Variants in STMN4 observed in about 807,000 individuals in gnomAD.
STMN4 encodes stathmin 4.
STMN4 carries 12 observed loss-of-function variants against 29.1 expected under a neutral mutation model. That is an observed-to-expected ratio of 0.41 (90% CI 0.26 to 0.67). STMN4 has a LOEUF of 0.67. Ranked by LOEUF, STMN4 falls within the 30% of genes least tolerant of loss-of-function variation. STMN4 has a pLI of 0.30. For missense variants in STMN4, 181 were observed against 262.8 expected (o/e 0.69, Z 2.15); for synonymous variants, 114 against 105.3 (o/e 1.08, Z -0.51).
rs753013985 is a variant in STMN4, at chr8:27,239,865, C to T, written c.591+106G>A. 21 of 1,582,356 alleles carry T rather than the reference C, an allele frequency of 1.3e-5. No homozygotes were observed. In the African/African-American group the frequency reaches 2.8e-4, roughly 21 times the overall value. Reference sequence around the variant, plus strand: ...CCTAAGAAAAAGATCCTGATTTTTGCCTGAGGCTGCTTCCTCCCTGAGATG... The same window carrying T: ...CCTAAGAAAAAGATCCTGATTTTTGTCTGAGGCTGCTTCCTCCCTGAGATG... On this transcript the variant is annotated intron_variant, in intron 6 of 6. Coordinates refer to ENST00000350889, the MANE Select transcript of STMN4 (RefSeq NM_030795.4).
At chr8:27,243,949 G>A (rs1043904711) in intron 1 of STMN4, 148 bp from the exon 2 acceptor site, 7 of 679,298 alleles carry the variant, frequency 1.0e-5, no homozygotes, top group African/African-American at 8.9e-5. Context: ...CTCCCTGGGG[G>A]TCCCCTACCC....
At chr8:27,239,565 C>T (rs961714662) in intron 6 of STMN4, 20 of 841,270 alleles carry the variant, frequency 2.4e-5, no homozygotes, top group Admixed American at 3.1e-5. Context: ...TCATCATACC[C>T]GTGACTTAGA....
chr8:27,237,910 T>C (rs1801355727), intron 6 of STMN4, among the ~76,000 whole-genome samples: 1 of 152,238 alleles, frequency 6.6e-6, no homozygotes, highest in African/African-American at 2.4e-5. Context: ...TTTTCTACTA[T>C]GGTGCCTTAC....
chr8:27,239,287 T>C lies in STMN4; in HGVS notation c.591+684A>G, dbSNP rs1586003170. On this transcript the variant is annotated intron_variant, in intron 6 of 6. Coordinates refer to ENST00000350889, the MANE Select transcript of STMN4 (RefSeq NM_030795.4). The stretch of plus-strand genomic sequence containing the variant: ...CCGCGCAGCAGGCGGTTCCTGGAAA[T>C]AAAACACAGAGCTGGAGCTCTCCCA... The C allele has an allele frequency of 2.0e-6, 3 of 1,535,492 alleles. No homozygotes were observed. In the East Asian group the frequency reaches 7.3e-5, roughly 38 times the overall value.
chr8:27,240,102 T>A lies in STMN4; in HGVS notation c.460A>T (p.Ile154Phe). The change falls in exon 6 of 7, where the codon ATC (isoleucine) becomes TTC (phenylalanine). Residue 154 changes from isoleucine (I) to phenylalanine (F), a missense_variant. Physicochemically the swap from Ile to Phe is conservative, Grantham distance 21. Coordinates refer to ENST00000350889, the MANE Select transcript of STMN4 (RefSeq NM_030795.4). ...TTGTTTTCCTCAATGGCCTTTTGGATCACCTCTCTCTCATGTTCCCGTTTC... is the reference window on the plus strand; with the variant it reads ...TTGTTTTCCTCAATGGCCTTTTGGAACACCTCTCTCTCATGTTCCCGTTTC... The part of the protein sequence containing the change: ...AEKREHEREV[I>F]QKAIEENNNF... 6.2e-7 allele frequency: 1 copy of A among 1,614,222 alleles called. No homozygotes were observed. The highest frequency in any genetic ancestry group is 8.5e-7 in the Non-Finnish European group (1 of 1,180,044).
intron 1 of STMN4, among the ~76,000 whole-genome samples, chr8:27,257,230 G>A (rs534476557): frequency 3.9e-5 from 6 of 152,132 alleles, no homozygotes; most frequent in South Asian, 2.1e-4. Flanking sequence ...CCTAGCACCC[G>A]CCTGTGGGAG....
In STMN4 at chr8:27,236,873, C is replaced by T. The variant is rs1410068664; in HGVS notation, c.624G>A (p.Lys208=). 5 of 1,608,750 alleles carry T rather than the reference C, an allele frequency of 3.1e-6. No homozygotes were observed. Among genetic ancestry groups the T allele is most frequent in the East Asian group, 2.3e-5 (1 of 44,384 alleles). The part of the protein sequence containing the change: ...DKHAEEVRKN[K]ELKEEASR ...ACCTGGAGGCCTCTTCCTTCAGCTCCTTGTTTTTCCGCACCTCCTCGGCGT... is the reference window on the plus strand; with the variant it reads ...ACCTGGAGGCCTCTTCCTTCAGCTCTTTGTTTTTCCGCACCTCCTCGGCGT... The change falls in exon 7 of 7, where the codon AAG becomes AAA. Residue 208 remains lysine, a synonymous_variant. Coordinates refer to ENST00000350889, the MANE Select transcript of STMN4 (RefSeq NM_030795.4).
chr8:27,242,601 A>G, intron 2 of STMN4, 109 bp from the exon 3 acceptor site: 1 of 1,048,186 alleles, frequency 9.5e-7, no homozygotes, highest in Non-Finnish European at 1.4e-6. Context: ...AAGGCACTCA[A>G]ACCACGCAGG....
chr8:27,248,365 G>T (rs987290655), intron 1 of STMN4, among the ~76,000 whole-genome samples: 2 of 152,178 alleles, frequency 1.3e-5, no homozygotes, highest in African/African-American at 4.8e-5. Flanking sequence ...CTATCACCTT[G>T]CAATGACTGT....
intron 2 of STMN4, 64 bp from the exon 3 acceptor site, chr8:27,242,556 C>T: frequency 1.3e-6 from 2 of 1,545,176 alleles, no homozygotes; most frequent in Non-Finnish European, 1.8e-6. Flanking sequence ...AGCGTCCTCA[C>T]GGGTCTGGGG....
chr8:27,246,729 G>T (rs1012232196), intron 1 of STMN4, among the ~76,000 whole-genome samples: 1 of 152,170 alleles, frequency 6.6e-6, no homozygotes, highest in Non-Finnish European at 1.5e-5. Flanking sequence ...AGGAACCTTT[G>T]GGGCCGCCAG....
intron 6 of STMN4, 143 bp downstream of exon 6, chr8:27,239,828 C>T (rs1339233921): frequency 6.5e-7 from 1 of 1,549,408 alleles, no homozygotes; most frequent in East Asian, 2.4e-5. Context: ...TCGGAACTCT[C>T]TAAAGATCCT....
chr8:27,246,392 C>T (rs951139833), intron 1 of STMN4, among the ~76,000 whole-genome samples: 6 of 152,162 alleles, frequency 3.9e-5, no homozygotes, highest in African/African-American at 7.2e-5. Context: ...CTTTAATTTT[C>T]GTAATAGCCT....
chr8:27,250,489 G>A (rs1174827369), intron 1 of STMN4, among the ~76,000 whole-genome samples: 2 of 152,182 alleles, frequency 1.3e-5, no homozygotes, highest in African/African-American at 2.4e-5. Flanking sequence ...AGCCTTTGGA[G>A]GCTCTGCAGA....
rs1456486967 is a variant in STMN4 at position 27,240,136 on chromosome 8, G to C, written c.426C>G (p.His142Gln). The change falls in exon 6 of 7, where the codon CAC becomes CAG. Residue 142 changes from histidine to glutamine, a missense_variant. By Grantham distance (24) the His-to-Gln change is conservative. Transcript: ENST00000350889. Reference sequence around the variant, plus strand: ...TCTCATGTTCCCGTTTCTCTGCTAGGTGTTTCAGGAGCTCCGCTTCCTGGT... The same window carrying C: ...TCTCATGTTCCCGTTTCTCTGCTAGCTGTTTCAGGAGCTCCGCTTCCTGGT... ...RKYQEAELLKHLAEKREHERE... is the reference protein window; with the variant it reads ...RKYQEAELLKQLAEKREHERE... The C allele has an allele frequency of 1.2e-6, 2 of 1,613,872 alleles. No individual in the cohort carries two copies. The highest frequency in any genetic ancestry group is 1.7e-6 in the Non-Finnish European group (2 of 1,179,980).
intron 6 of STMN4, among the ~76,000 whole-genome samples, chr8:27,238,812 CTTG>C (rs368904623): frequency 1.7e-3 from 259 of 152,326 alleles, no homozygotes; most frequent in African/African-American, 5.3e-3. Context: ...GCCTCAGGGA[CTTG>C]TTGTGAGGAT....
At position 27,241,728 on chromosome 8, in the gene STMN4, C is replaced by T; in HGVS notation, c.139G>A (p.Asp47Asn). ...GCACTGTCTTTCCGCTGGCTTTCAT[C>T]CTTCCTCCTACACTGTCTCCCACAC... is the stretch of plus-strand genomic sequence containing the variant. ...GWCGRQCRRKDESQRKDSADW... is the reference protein window; with the variant it reads ...GWCGRQCRRKNESQRKDSADW... The change falls in exon 4 of 7, where the codon GAT (aspartate) becomes AAT (asparagine). Residue 47 changes from aspartate (D) to asparagine (N), a missense_variant. Physicochemically the swap from Asp to Asn is conservative, Grantham distance 23. Transcript: ENST00000350889. 6.2e-7 allele frequency: 1 copy of T among 1,614,176 alleles called. No homozygotes were observed. Among genetic ancestry groups the T allele is most frequent in the Non-Finnish European group, 8.5e-7 (1 of 1,180,028 alleles).
chr8:27,257,070 C>T (rs780681696), intron 1 of STMN4, among the ~76,000 whole-genome samples: 2 of 152,102 alleles, frequency 1.3e-5, no homozygotes, highest in South Asian at 2.1e-4. Flanking sequence ...AGCAGCAAAG[C>T]GGAGGGTTGG....
chr8:27,247,142 C>T (rs1317469759), intron 1 of STMN4, among the ~76,000 whole-genome samples: 1 of 151,022 alleles, frequency 6.6e-6, no homozygotes, highest in Non-Finnish European at 1.5e-5. Flanking sequence ...GTAATCTCAG[C>T]TACTAGGGAA....
Sources: allele counts gnomAD v4.1 joint callset (sites outside exome capture counted in the v4.1 genomes callset), GRCh38; gene constraint gnomAD v4.1.1; transcripts MANE v1.5; gene names NCBI Gene and HGNC (gene_info 2026-07-23, HGNC 2026-07-21).